Variants in KREMEN1 observed in about 807,000 individuals in gnomAD.
KREMEN1 encodes kremen protein 1.
Under a neutral mutation model 46.5 loss-of-function variants are expected in KREMEN1, and 30 were observed. The ratio of observed to expected loss-of-function variants is 0.65; its 90% CI spans 0.48 to 0.88. The LOEUF is 0.88. Among genes scored for constraint, KREMEN1 ranks in the 40% least tolerant of loss-of-function variants. KREMEN1 has a pLI of 0.00. For synonymous variants in KREMEN1, 214 were observed against 230.6 expected, an observed-to-expected ratio of 0.93 and a Z score of 0.65; for missense variants, 533 against 596.9, an observed-to-expected ratio of 0.89 and a Z score of 1.11.
chr22:29,122,227 T>C (rs1269474750), intron 4 of KREMEN1, among the ~76,000 whole-genome samples: 1 of 152,072 alleles, frequency 6.6e-6, no homozygotes, highest in African/African-American at 2.4e-5. Flanking sequence ...GCATCACCAG[T>C]TGTCAGGGAA....
At chr22:29,149,395 T>TCA, downstream of KREMEN1, among the ~76,000 whole-genome samples, 2 of 152,178 alleles carry the variant, frequency 1.3e-5, no homozygotes, top group South Asian at 2.1e-4. Flanking sequence ...TCTCTTGACC[T>TCA]GATGATCCGC....
At chr22:29,138,916 T>C in intron 7 of KREMEN1, 134 bp downstream of exon 7, 1 of 1,296,686 alleles carries the variant, frequency 7.7e-7, no homozygotes, top group South Asian at 1.2e-5. Context: ...CTCTGTGACC[T>C]ATAGTCTGTC....
chr22:29,142,667 G>A lies in KREMEN1; in HGVS notation c.*555G>A. The A allele has an allele frequency of 2.0e-6, 2 of 985,512 alleles. No individual in the cohort carries two copies. The highest frequency in any genetic ancestry group is 1.2e-6 in the Non-Finnish European group (1 of 829,998). The allele number at this position is 985,512 out of a possible 1,614,324, so 61.0% of individuals were successfully genotyped here. A position where few individuals can be genotyped will look rare whatever the true frequency, so the allele number is the denominator to read the frequency against. ...GTGTAAAGAGGGCAGTGTCTGTGCT[G>A]CCCCGGCAGCTTTGCTCTCCAGATG... On this transcript the variant is annotated 3_prime_UTR_variant, in exon 9 of 9. Coordinates refer to ENST00000400335, the MANE Select transcript of KREMEN1 (RefSeq NM_001039570.3).
chr22:29,085,917 G>A (rs2037720888), intron 1 of KREMEN1, among the ~76,000 whole-genome samples: 1 of 151,040 alleles, frequency 6.6e-6, no homozygotes, highest in Non-Finnish European at 1.5e-5. Context: ...GCCGCAGTGA[G>A]CCATGATTGC....
intron 1 of KREMEN1, among the ~76,000 whole-genome samples, chr22:29,078,393 T>A (rs1005888627): frequency 2.0e-5 from 3 of 152,038 alleles, no homozygotes; most frequent in Admixed American, 2.0e-4. Context: ...CCTGCAGATG[T>A]TGCTTAGAAC....
intron 9 of KREMEN1, chr22:29,154,724 G>A (rs1401691842): frequency 1.3e-5 from 2 of 152,226 alleles, no homozygotes; most frequent in Non-Finnish European, 2.9e-5. Context: ...TTTGCCCAGC[G>A]CGGTGATGCG....
intron 9 of KREMEN1, among the ~76,000 whole-genome samples, chr22:29,154,172 G>A (rs1211615199): frequency 2.0e-5 from 3 of 152,078 alleles, no homozygotes; most frequent in Non-Finnish European, 4.4e-5. Flanking sequence ...CTTTCAGATT[G>A]AGAACCCTAT....
chr22:29,079,017 C>T (rs913578556), intron 1 of KREMEN1, among the ~76,000 whole-genome samples: 3 of 152,322 alleles, frequency 2.0e-5, no homozygotes, highest in South Asian at 4.1e-4. Context: ...TATTTTTCCT[C>T]CCTGTCTTAT....
intron 1 of KREMEN1, among the ~76,000 whole-genome samples, chr22:29,086,870 C>T (rs375406732): frequency 2.6e-5 from 4 of 152,024 alleles, no homozygotes; most frequent in African/African-American, 7.2e-5. Context: ...CCTCAGCCTC[C>T]CAAATAACTA....
chr22:29,138,853 T>C (rs780814286), intron 7 of KREMEN1, 71 bp downstream of exon 7: 1 of 1,610,108 alleles, frequency 6.2e-7, no homozygotes, highest in Non-Finnish European at 8.5e-7. Context: ...TTGACAGTTA[T>C]AAAGACAAAA....
At chr22:29,165,308 C>T (rs901697464) in intron 9 of KREMEN1, among the ~76,000 whole-genome samples, 3 of 151,068 alleles carry the variant, frequency 2.0e-5, no homozygotes, top group Admixed American at 6.6e-5. Context: ...GAGGCTGAGA[C>T]GGGAGATTCC....
Position 29,141,952 on chromosome 22 carries a change from G to A in KREMEN1, c.1217G>A (p.Arg406His), listed in dbSNP as rs73393075. 3.5e-4 allele frequency: 560 copies of A among 1,597,822 alleles called. No individual in the cohort carries two copies. In the African/African-American group the frequency reaches 5.9e-3, roughly 17 times the overall value. The change falls in exon 9 of 9, where the codon CGT (arginine) becomes CAT (histidine). Residue 406 changes from arginine to histidine, a missense_variant. Transcript: ENST00000400335. ...ILLHVTFKSH[R>H]VPASGDLRDC... ...ATTTATCTGCTTGACAGATCCCATC[G>A]TGTTCCTGCTTCAGGGGACCTTAGG...
chr22:29,093,017 A>C (rs1339706133), intron 1 of KREMEN1, among the ~76,000 whole-genome samples: 1 of 152,138 alleles, frequency 6.6e-6, no homozygotes, highest in Non-Finnish European at 1.5e-5. Context: ...GGTTTCTTGC[A>C]TAGGTGGACA....
Position 29,146,084 on chromosome 22 carries a change from G to A in KREMEN1, c.*3972G>A. ...TCCCTGGTCTGCTGAGGTCAGGCCA[G>A]GTCTCCCACGGAGCCGGGCAGCTCC... On this transcript the variant is annotated 3_prime_UTR_variant, in exon 9 of 9. Transcript: ENST00000400335. 2 of 985,992 alleles carry A rather than the reference G, an allele frequency of 2.0e-6. No homozygotes were observed. The highest frequency in any genetic ancestry group is 1.2e-6 in the Non-Finnish European group (1 of 830,038). The allele number at this position is 985,992 out of a possible 1,614,324, so 61.1% of individuals were successfully genotyped here.
In KREMEN1 at chr22:29,146,288, C is replaced by A; in HGVS notation, c.*4176C>A. 4.1e-6 allele frequency: 4 copies of A among 985,956 alleles called. No individual in the cohort carries two copies. The highest frequency in any genetic ancestry group is 4.8e-6 in the Non-Finnish European group (4 of 830,006). 61.1% of individuals were successfully genotyped at this position (985,956 alleles called of 1,614,324 possible). A position where few individuals can be genotyped will look rare whatever the true frequency, so the allele number is the denominator to read the frequency against. ...TCCCTGGTGTGGGGTGTTTTTCAAG[C>A]CTTCCAGCCACAGCTGTCTCCCCTC... On this transcript the variant is annotated 3_prime_UTR_variant, in exon 9 of 9. Transcript: ENST00000400335.
At chr22:29,120,881 G>A (rs2038345414) in intron 3 of KREMEN1, among the ~76,000 whole-genome samples, 1 of 152,048 alleles carries the variant, frequency 6.6e-6, no homozygotes, top group African/African-American at 2.4e-5. Context: ...CAGCAATAAG[G>A]AACTAATATA....
chr22:29,128,409 T>C (rs2038478923), intron 5 of KREMEN1, among the ~76,000 whole-genome samples: 1 of 152,208 alleles, frequency 6.6e-6, no homozygotes, highest in South Asian at 2.1e-4. Context: ...AAATAGAATG[T>C]AGTTTTTATA....
Position 29,144,089 on chromosome 22 carries a change from C to T in KREMEN1, c.*1977C>T, listed in dbSNP as rs1039368990. On this transcript the variant is annotated 3_prime_UTR_variant, in exon 9 of 9. Transcript: ENST00000400335. ...CAGCCTGTGCCTCTGCTGGCCAGGC[C>T]TAGGCCCTCGTCAGAGCGTGCCTCT... 2 of 985,418 alleles carry T rather than the reference C, an allele frequency of 2.0e-6. No homozygotes were observed. Among genetic ancestry groups the T allele is most frequent in the Non-Finnish European group, 2.4e-6 (2 of 829,994 alleles). 61.0% of individuals were successfully genotyped at this position (985,418 alleles called of 1,614,324 possible). A position where few individuals can be genotyped will look rare whatever the true frequency, so the allele number is the denominator to read the frequency against.
chr22:29,100,217 G>A (rs1005434987), intron 3 of KREMEN1, among the ~76,000 whole-genome samples: 1 of 151,702 alleles, frequency 6.6e-6, no homozygotes, highest in Non-Finnish European at 1.5e-5. Context: ...CTGGATTCAA[G>A]TGATTCTCCT....
Sources: allele counts gnomAD v4.1 joint callset (sites outside exome capture counted in the v4.1 genomes callset), GRCh38; gene constraint gnomAD v4.1.1; transcripts MANE v1.5; gene names NCBI Gene and HGNC (gene_info 2026-07-23, HGNC 2026-07-21).